HDGFL2: variants seen among roughly 807,000 people sequenced by gnomAD.
HDGFL2 encodes the protein hepatoma-derived growth factor-related protein 2.
A neutral mutation model predicts 77.1 loss-of-function variants in HDGFL2; 36 were observed. The ratio of observed to expected loss-of-function variants is 0.47; its 90% CI spans 0.36 to 0.62. The LOEUF (loss-of-function observed/expected upper bound fraction) is 0.62. Ranked by LOEUF, HDGFL2 falls within the 20% of genes least tolerant of loss-of-function variation. The probability of loss-of-function intolerance (pLI) is 0.00; values close to 1 mark genes in which losing one functional copy is unlikely to be tolerated. For synonymous variants in HDGFL2, 463 were observed against 413.1 expected (o/e 1.12, Z -1.46); for missense variants, 976 against 973.4 (o/e 1.00, Z -0.04).
At position 4,475,370 on chromosome 19, in the gene HDGFL2, G is replaced by C; in HGVS notation, c.149+19G>C. ...ACGAAACGTAAGTGTCCCCTTCTGG[G>C]GCTTGGTTTTCTCCTCTGGTGCCTC... On this transcript the variant is annotated intron_variant, in intron 2 of 15. Transcript: ENST00000616600. 3 of 1,614,026 alleles carry C rather than the reference G, an allele frequency of 1.9e-6. No homozygotes were observed. Among genetic ancestry groups the C allele is most frequent in the Non-Finnish European group, 2.5e-6 (3 of 1,179,980 alleles).
chr19:4,493,946 G>C (rs1055742777), intron 7 of HDGFL2, 36 bp from the exon 8 acceptor site: 1 of 1,583,548 alleles, frequency 6.3e-7, no homozygotes, highest in East Asian at 2.3e-5. Context: ...TTGGAGCCCT[G>C]GAAGGGAAGG....
intron 7 of HDGFL2, 54 bp downstream of exon 7, chr19:4,493,916 C>T (rs1975622368): frequency 1.3e-6 from 2 of 1,536,704 alleles, no homozygotes; most frequent in East Asian, 4.8e-5. Flanking sequence ...GGGGCGCTCC[C>T]AGGCAGTCCC....
At chr19:4,493,236 G>C (rs1306637911) in intron 6 of HDGFL2, among the ~76,000 whole-genome samples, 2 of 137,984 alleles carry the variant, frequency 1.4e-5, no homozygotes, top group African/African-American at 2.8e-5. Flanking sequence ...TGTGGTATCT[G>C]TGTGGTATGT....
Position 4,481,128 on chromosome 19 carries a change from TCTC to T in HDGFL2, c.288+5548_288+5550del, listed in dbSNP as rs1340971897. The stretch of plus-strand genomic sequence containing the variant: ...GCTCCGCCTCCTGGGTTCACGCTAT[TCTC>T]CTGCCTCAGCCTCCCGAGTAGCTGG... On this transcript the variant is annotated intron_variant, in intron 3 of 15. Coordinates refer to ENST00000616600, the MANE Select transcript of HDGFL2 (RefSeq NM_001001520.3). Among the ~76,000 whole-genome samples, 8 of 151,188 alleles carry T rather than the reference TCTC, an allele frequency of 5.3e-5. No individual in the cohort carries two copies. In the East Asian group the frequency reaches 1.6e-3, roughly 29 times the overall value.
intron 4 of HDGFL2, among the ~76,000 whole-genome samples, chr19:4,491,254 CCCCCCCACCCCCCCA>C (rs1480890146): frequency 9.3e-4 from 68 of 72,842 alleles, no homozygotes; most frequent in Non-Finnish European, 1.2e-3. Context: ...CCACCACCCA[CCCCCCCACCCCCCCA>C]CCCCCCCACC....
At chr19:4,493,141 GTGTC>G (rs1411470058) in intron 6 of HDGFL2, among the ~76,000 whole-genome samples, 15 of 130,356 alleles carry the variant, frequency 1.2e-4, no homozygotes, top group South Asian at 2.5e-4. Context: ...TGTGTTATCT[GTGTC>G]TGTGTGGTGT....
chr19:4,491,489 G>GTGGGCAGTCAGC, intron 4 of HDGFL2, 77 bp from the exon 5 acceptor site: 1 of 1,263,378 alleles, frequency 7.9e-7, no homozygotes, highest in Non-Finnish European at 1.1e-6. Flanking sequence ...GTCGTGGGTG[G>GTGGGCAGTCAGC]TGGGCAGTCA....
chr19:4,480,839 C>T (rs1975193765), intron 3 of HDGFL2, among the ~76,000 whole-genome samples: 1 of 152,062 alleles, frequency 6.6e-6, no homozygotes, highest in Non-Finnish European at 1.5e-5. Context: ...CTCTGTGAGC[C>T]TCAGTTTCCT....
intron 1 of HDGFL2, among the ~76,000 whole-genome samples, chr19:4,473,460 G>A (rs750465355): frequency 1.3e-5 from 2 of 151,926 alleles, no homozygotes; most frequent in Non-Finnish European, 2.9e-5. Context: ...AGGGCCTGGG[G>A]ATCCCAGGCC....
intron 3 of HDGFL2, among the ~76,000 whole-genome samples, chr19:4,482,641 G>C (rs1975250195): frequency 6.6e-6 from 1 of 152,186 alleles, no homozygotes; most frequent in African/African-American, 2.4e-5. Flanking sequence ...CCTGCTAAAG[G>C]AAAGATTTTT....
chr19:4,479,189 C>T (rs189472773), intron 3 of HDGFL2, among the ~76,000 whole-genome samples: 2 of 151,764 alleles, frequency 1.3e-5, no homozygotes, highest in Non-Finnish European at 2.9e-5. Context: ...GCCGGGCTCA[C>T]GCCTGAAATC....
At chr19:4,501,364 G>A in intron 15 of HDGFL2, 47 bp downstream of exon 15, 2 of 1,545,216 alleles carry the variant, frequency 1.3e-6, no homozygotes, top group Non-Finnish European at 1.8e-6. Context: ...CGGCAGCGGT[G>A]TGACGCGCAC....
Position 4,475,263 on chromosome 19 carries a change from C to T in HDGFL2, c.73-12C>T, listed in dbSNP as rs757197064. The stretch of plus-strand genomic sequence containing the variant: ...TGGGTAAAGCCACCCCCTCACTGGC[C>T]TCTCACTGCAGATCGACGACATCGC... On this transcript the variant is annotated splice_polypyrimidine_tract_variant and intron_variant, in intron 1 of 15. Transcript: ENST00000616600. 1 of 1,613,420 alleles carries T rather than the reference C, an allele frequency of 6.2e-7. No homozygotes were observed. The highest frequency in any genetic ancestry group is 8.5e-7 in the Non-Finnish European group (1 of 1,179,422).
In HDGFL2 at chr19:4,501,315, C is replaced by T. The variant is rs376891678; in HGVS notation, c.1914C>T (p.His638=). 9.8e-5 allele frequency: 157 copies of T among 1,596,066 alleles called. 4 individuals are homozygous for T. The highest frequency in any genetic ancestry group is 9.6e-4 in the South Asian group (85 of 88,750). The change falls in exon 15 of 16, where the codon CAC becomes CAT. Residue 638 remains histidine, a splice_region_variant and synonymous_variant. Coordinates refer to ENST00000616600, the MANE Select transcript of HDGFL2 (RefSeq NM_001001520.3). ...GPRCGSSEDL[H]DSVREGPDLD... ...GGTGTGGCTCCTCTGAAGACCTGCACGAGTGAGTGTCCCGGGCCGTGGGGT... is the reference window on the plus strand; with the variant it reads ...GGTGTGGCTCCTCTGAAGACCTGCATGAGTGAGTGTCCCGGGCCGTGGGGT...
intron 1 of HDGFL2, 141 bp downstream of exon 1, chr19:4,472,563 T>C: frequency 6.4e-6 from 1 of 156,452 alleles, no homozygotes; most frequent in Non-Finnish European, 1.1e-5. Flanking sequence ...TCATGGGGTC[T>C]GGGGGTGTCC....
intron 4 of HDGFL2, among the ~76,000 whole-genome samples, chr19:4,489,579 A>C (rs1975455107): frequency 6.6e-6 from 1 of 151,536 alleles, no homozygotes; most frequent in African/African-American, 2.4e-5. Flanking sequence ...AATTTTTCGT[A>C]TTTTAGTAGA....
Position 4,488,690 on chromosome 19 carries a change from C to A in HDGFL2, c.303C>A (p.Ser101=). Residue 101 remains serine, a synonymous_variant, in exon 4 of 16, where the codon TCC becomes TCA. Transcript: ENST00000616600. ...SYSAPPPVSS[S]DSEAPEANPA... Reference sequence around the variant, plus strand: ...GACTCCCACAGCCAGTGAGCTCCTCCGACAGCGAGGCCCCCGAGGCCAACC... The same window carrying A: ...GACTCCCACAGCCAGTGAGCTCCTCAGACAGCGAGGCCCCCGAGGCCAACC... 1.3e-6 allele frequency: 2 copies of A among 1,545,680 alleles called. No homozygotes were observed. The highest frequency in any genetic ancestry group is 1.7e-6 in the Non-Finnish European group (2 of 1,147,544).
Position 4,502,008 on chromosome 19 carries a change from T to A in HDGFL2, c.2014T>A (p.Ter672ArgextTer47). The change falls in exon 16 of 16, where the codon TGA becomes AGA. Residue 672 changes from the stop codon to arginine (R), a stop_lost. Coordinates refer to ENST00000616600, the MANE Select transcript of HDGFL2 (RefSeq NM_001001520.3). ...CTCGGAGGCCCTGGACGAGGAGAGC[T>A]GAGCCGCGGGCAGCCAGGCCCAGCC... ...GDSEALDEES[*>R] The A allele has an allele frequency of 6.6e-7, 1 of 1,518,784 alleles. No individual in the cohort carries two copies. Among genetic ancestry groups the A allele is most frequent in the Non-Finnish European group, 8.8e-7 (1 of 1,140,530 alleles). 94.1% of individuals were successfully genotyped at this position (1,518,784 alleles called of 1,614,324 possible).
At chr19:4,487,438 G>T (rs1975391734) in intron 3 of HDGFL2, among the ~76,000 whole-genome samples, 2 of 147,714 alleles carry the variant, frequency 1.4e-5, no homozygotes, top group African/African-American at 5.4e-5. Flanking sequence ...TGCATCTTTT[G>T]TAGAGAGGGG....
Sources: allele counts gnomAD v4.1 joint callset (sites outside exome capture counted in the v4.1 genomes callset), GRCh38; gene constraint gnomAD v4.1.1; transcripts MANE v1.5; gene names NCBI Gene and HGNC (gene_info 2026-07-23, HGNC 2026-07-21).